STYXL2: variants seen among roughly 807,000 people sequenced by gnomAD.
The protein encoded by STYXL2 is serine/threonine/tyrosine interacting like 2, also known as serine/threonine/tyrosine-interacting-like protein 2.
A neutral mutation model predicts 52.4 loss-of-function variants in STYXL2; 44 were observed. That is an observed-to-expected ratio of 0.84 (90% confidence interval 0.66 to 1.08). The LOEUF is 1.08. Among genes scored for constraint, STYXL2 ranks in the 50% least tolerant of loss-of-function variants. STYXL2 has a pLI of 0.00. For synonymous variants in STYXL2, 604 were observed against 586.9 expected, an observed-to-expected ratio of 1.03 and a Z score of -0.42; for missense variants, 1,604 against 1,471.7, an observed-to-expected ratio of 1.09 and a Z score of -1.47.
Position 167,128,885 on chromosome 1 carries a change from A to G in STYXL2, c.*277A>G, listed in dbSNP as rs149674650. 1.4e-5 allele frequency: 6 copies of G among 427,168 alleles called. No homozygotes were observed. Among genetic ancestry groups the G allele is most frequent in the Non-Finnish European group, 2.5e-5 (6 of 238,574 alleles). The allele number at this position is 427,168 out of a possible 1,614,324, so 26.5% of individuals were successfully genotyped here. A position where few individuals can be genotyped will look rare whatever the true frequency, so the allele number is the denominator to read the frequency against. ...CCTCTAAGCTTTGGTGTTTCACTTA[A>G]TGTATTTGGCAGTGTTCATCACAGG... On this transcript the variant is annotated 3_prime_UTR_variant, in exon 6 of 6. Coordinates refer to ENST00000361200, the MANE Select transcript of STYXL2 (RefSeq NM_001080426.3).
At chr1:167,120,888 A>G (rs1477117730) in intron 5 of STYXL2, among the ~76,000 whole-genome samples, 2 of 101,936 alleles carry the variant, frequency 2.0e-5, no homozygotes, top group Non-Finnish European at 4.6e-5. Flanking sequence ...ATATATATAC[A>G]GAGAGAGAGA....
intron 4 of STYXL2, among the ~76,000 whole-genome samples, chr1:167,118,881 G>T (rs1667788633): frequency 6.6e-6 from 1 of 152,174 alleles, no homozygotes; most frequent in Non-Finnish European, 1.5e-5. Context: ...CCATATTAAT[G>T]TGGAATACAC....
Position 167,113,697 on chromosome 1 carries a change from C to G in STYXL2, c.111-13C>G, listed in dbSNP as rs757628438. On this transcript the variant is annotated splice_polypyrimidine_tract_variant and intron_variant, in intron 2 of 5. Coordinates refer to ENST00000361200, the MANE Select transcript of STYXL2 (RefSeq NM_001080426.3). ...CTACAGGCTTATCTCACGTGAATAT[C>G]CTCTTCCCTTAGGTATTCGATGGTC... is the stretch of plus-strand genomic sequence containing the variant. 11 of 1,595,218 alleles carry G rather than the reference C, an allele frequency of 6.9e-6. No individual in the cohort carries two copies. Among genetic ancestry groups the G allele is most frequent in the Non-Finnish European group, 9.5e-6 (11 of 1,162,744 alleles).
intron 5 of STYXL2, 144 bp from the exon 6 acceptor site, chr1:167,125,643 T>C: frequency 2.3e-5 from 29 of 1,264,138 alleles, no homozygotes; most frequent in Non-Finnish European, 2.9e-5. Context: ...CTCCTGTGTC[T>C]TGAGCCCGGA....
chr1:167,095,638 G>C (rs1667269828), intron 2 of STYXL2, among the ~76,000 whole-genome samples: 1 of 152,182 alleles, frequency 6.6e-6, no homozygotes, highest in Non-Finnish European at 1.5e-5. Flanking sequence ...TTAAAGAAAT[G>C]TCGTGCTTAA....
chr1:167,108,182 C>T (rs187085283), intron 2 of STYXL2, among the ~76,000 whole-genome samples: 51 of 152,310 alleles, frequency 3.3e-4, no homozygotes, highest in Middle Eastern at 6.8e-3. Flanking sequence ...ATCCAGACAT[C>T]CAGCTCTTCA....
chr1:167,109,710 A>G (rs1306764852), intron 2 of STYXL2, among the ~76,000 whole-genome samples: 1 of 152,054 alleles, frequency 6.6e-6, no homozygotes, highest in Non-Finnish European at 1.5e-5. Context: ...TCCCCCCTAT[A>G]CTACCGCAGC....
At chr1:167,107,508 A>G (rs1336185527) in intron 2 of STYXL2, among the ~76,000 whole-genome samples, 1 of 152,244 alleles carries the variant, frequency 6.6e-6, no homozygotes, top group Non-Finnish European at 1.5e-5. Context: ...CACAGCCAAG[A>G]TCCTGCTTTT....
At chr1:167,116,450 G>A (rs1667723864) in intron 3 of STYXL2, among the ~76,000 whole-genome samples, 1 of 151,978 alleles carries the variant, frequency 6.6e-6, no homozygotes, top group Non-Finnish European at 1.5e-5. Context: ...TTCTAGTAGG[G>A]GGAAGAAGAC....
At position 167,127,633 on chromosome 1, in the gene STYXL2, G is replaced by T; in HGVS notation, c.2502G>T (p.Lys834Asn). 1 of 1,614,180 alleles carries T rather than the reference G, an allele frequency of 6.2e-7. No homozygotes were observed. The highest frequency in any genetic ancestry group is 8.5e-7 in the Non-Finnish European group (1 of 1,180,026). ...TCTTTGCTGACAATGTGGACCTAAA[G>T]GAACTTGGCCGGAAGGAGAAGGAGA... ...FSLFADNVDL[K>N]ELGRKEKEMQ... Residue 834 changes from lysine to asparagine, a missense_variant, in exon 6 of 6, where the codon AAG becomes AAT. Transcript: ENST00000361200.
chr1:167,120,509 C>G (rs1442141106), intron 5 of STYXL2, among the ~76,000 whole-genome samples: 1 of 152,096 alleles, frequency 6.6e-6, no homozygotes, highest in Non-Finnish European at 1.5e-5. Context: ...AAATTATAGC[C>G]ATTGCTATAA....
In STYXL2 at chr1:167,127,460, T is replaced by C; in HGVS notation, c.2329T>C (p.Ser777Pro). 1 of 1,614,028 alleles carries C rather than the reference T, an allele frequency of 6.2e-7. No individual in the cohort carries two copies. The change falls in exon 6 of 6, where the codon TCC becomes CCC. Residue 777 changes from serine to proline, a missense_variant. Transcript: ENST00000361200. ...CTCCATGCTTAGTGGACACAGCAGC[T>C]CCTCCTTGGGTGGCTGCCTGTTGCC... ...QVSMLSGHSS[S>P]SLGGCLLPQS...
At chr1:167,096,280 A>G (rs139786942) in intron 2 of STYXL2, among the ~76,000 whole-genome samples, 97 of 152,258 alleles carry the variant, frequency 6.4e-4, no homozygotes, top group African/African-American at 2.3e-3. Context: ...AAGAAAATTC[A>G]GCATTATGGT....
intron 4 of STYXL2, 39 bp downstream of exon 4, chr1:167,117,598 C>A: frequency 6.6e-7 from 1 of 1,522,076 alleles, no homozygotes; most frequent in East Asian, 2.4e-5. Context: ...TGTCCTAACC[C>A]TCTGGTTAGT....
intron 1 of STYXL2, chr1:167,094,502 A>G (rs751547919): frequency 1.0e-5 from 3 of 295,348 alleles, no homozygotes; most frequent in Admixed American, 4.8e-5. Context: ...TTGCTGGTCC[A>G]GGGAAGTCAT....
In STYXL2 at chr1:167,126,735, G is replaced by A; in HGVS notation, c.1604G>A (p.Ser535Asn). Reference protein sequence around the residue: ...SEASSFYNFCSRNKDKLTALE... With the variant: ...SEASSFYNFCNRNKDKLTALE... The stretch of plus-strand genomic sequence containing the variant: ...GCCAGTTCCTTCTACAACTTCTGCA[G>A]CAGGAACAAGGACAAGCTCACTGCC... The change falls in exon 6 of 6, where the codon AGC becomes AAC. Residue 535 changes from serine to asparagine, a missense_variant. Ser to Asn is a conservative substitution (Grantham distance 46). Transcript: ENST00000361200. The A allele has an allele frequency of 4.3e-6, 7 of 1,614,200 alleles. No individual in the cohort carries two copies. The highest frequency in any genetic ancestry group is 5.9e-6 in the Non-Finnish European group (7 of 1,180,040).
At position 167,119,362 on chromosome 1, in the gene STYXL2, T is replaced by G; in HGVS notation, c.551T>G (p.Ile184Ser). The G allele has an allele frequency of 6.2e-7, 1 of 1,614,230 alleles. No individual in the cohort carries two copies. The highest frequency in any genetic ancestry group is 8.5e-7 in the Non-Finnish European group (1 of 1,180,024). The change falls in exon 5 of 6, where the codon ATC becomes AGC. Residue 184 changes from isoleucine to serine, a missense_variant. Physicochemically the swap from Ile to Ser is moderately radical, Grantham distance 142. Coordinates refer to ENST00000361200, the MANE Select transcript of STYXL2 (RefSeq NM_001080426.3). ...CCCGAATTCTACACTGGCCTGGAGA[T>G]CCAGTACCTGGGTGTAGAGGTGGAT... ...TGPEFYTGLE[I>S]QYLGVEVDDF...
At position 167,125,907 on chromosome 1, in the gene STYXL2, G is replaced by A. The variant is rs376151635; in HGVS notation, c.776G>A (p.Arg259Gln). 44 of 1,613,942 alleles carry A rather than the reference G, an allele frequency of 2.7e-5. No homozygotes were observed. Among genetic ancestry groups the A allele is most frequent in the African/African-American group, 4.0e-5 (3 of 74,922 alleles). Residue 259 changes from arginine to glutamine, a missense_variant, in exon 6 of 6, where the codon CGG (arginine) becomes CAG (glutamine). Coordinates refer to ENST00000361200, the MANE Select transcript of STYXL2 (RefSeq NM_001080426.3). ...LEALMTVRKK[R>Q]AIYPNEGFLK... ...GCTTTGATGACCGTGCGTAAGAAGC[G>A]GGCCATCTACCCCAATGAGGGCTTC...
At chr1:167,106,095 T>G (rs1314889297) in intron 2 of STYXL2, among the ~76,000 whole-genome samples, 1 of 152,068 alleles carries the variant, frequency 6.6e-6, no homozygotes. Context: ...AGCCTCAGAG[T>G]GTAGGTATAT....
Sources: gnomAD v4.1 joint callset for allele counts (sites outside exome capture counted in the v4.1 genomes callset) on GRCh38, gnomAD v4.1.1 for gene constraint, MANE v1.5 for transcripts, NCBI Gene and HGNC (gene_info 2026-07-23, HGNC 2026-07-21) for gene names.